Variants in TBX1 observed in about 807,000 individuals in gnomAD.
TBX1 encodes T-box transcription factor 1, also known as T-box transcription factor TBX1.
TBX1 carries 16 observed loss-of-function variants against 40.8 expected under a neutral mutation model. That is an observed-to-expected ratio of 0.39 (90% CI 0.27 to 0.60). The LOEUF (loss-of-function observed/expected upper bound fraction) is 0.60. Ranked by LOEUF, TBX1 falls within the 20% of genes least tolerant of loss-of-function variation. TBX1 has a pLI of 0.51. For missense variants in TBX1, 755 were observed against 728.5 expected (o/e 1.04, Z -0.42); for synonymous variants, 403 against 336.8 (o/e 1.20, Z -2.15).
intron 8 of TBX1, among the ~76,000 whole-genome samples, chr22:19,774,661 A>G (rs1420929637): frequency 6.6e-6 from 1 of 152,216 alleles, no homozygotes; most frequent in Non-Finnish European, 1.5e-5. Flanking sequence ...ATTCTGTTAC[A>G]TGCTACAACA....
At position 19,767,291 on chromosome 22, in the gene TBX1, C is replaced by T. The variant is rs553424250; in HGVS notation, c.*424C>T. 2.0e-6 allele frequency: 2 copies of T among 995,638 alleles called. No homozygotes were observed. Among genetic ancestry groups the T allele is most frequent in the African/African-American group, 1.7e-5 (1 of 57,764 alleles). 61.7% of individuals were successfully genotyped at this position (995,638 alleles called of 1,614,324 possible). ...GTAGATACTGTAGATACTGTAGATA[C>T]CGCCCCGGCGCCGACTTGATAAACG... On this transcript the variant is annotated 3_prime_UTR_variant, in exon 7 of 7. Transcript: ENST00000649276.
At chr22:19,764,106 C>G in intron 2 of TBX1, 49 bp from the exon 3 acceptor site, 1 of 1,606,144 alleles carries the variant, frequency 6.2e-7, no homozygotes, top group Non-Finnish European at 8.5e-7. Context: ...CGGGTCAAGG[C>G]CCTCTGGGTT....
chr22:19,765,141 G>C (rs373404421), intron 4 of TBX1, 28 bp downstream of exon 4: 7 of 1,614,004 alleles, frequency 4.3e-6, no homozygotes, highest in Non-Finnish European at 5.9e-6. Context: ...GGACCTGAGC[G>C]GATTCAACGC....
At chr22:19,757,014 G>T, upstream of TBX1, among the ~76,000 whole-genome samples, 1 of 152,186 alleles carries the variant, frequency 6.6e-6, no homozygotes, top group Non-Finnish European at 1.5e-5. Context: ...GGAGGCGGCG[G>T]CTCCGGCTGG....
At chr22:19,760,768 G>T (rs1280822027), upstream of TBX1, 1 of 333,320 alleles carries the variant, frequency 3.0e-6, no homozygotes, top group Non-Finnish European at 4.2e-6. Context: ...CACGCAGCGC[G>T]GCGCCCGCCA....
intron 8 of TBX1, among the ~76,000 whole-genome samples, chr22:19,776,759 G>A (rs925613450): frequency 7.2e-5 from 11 of 152,218 alleles, no homozygotes; most frequent in Non-Finnish European, 1.3e-4. Context: ...CACACTACCC[G>A]CATGTGCCTC....
downstream of TBX1, among the ~76,000 whole-genome samples, chr22:19,768,953 C>CTTTTTTTTTTTTTTTT (rs36085623): frequency 0.023 from 1,502 of 66,064 alleles, 274 homozygotes; most frequent in Non-Finnish European, 0.032. Flanking sequence ...TGTTCGCATT[C>CTTTTTTTTTTTTTTTT]TTTTTTTTTT....
At chr22:19,777,326 T>G (rs577538061) in intron 8 of TBX1, among the ~76,000 whole-genome samples, 2 of 152,264 alleles carry the variant, frequency 1.3e-5, no homozygotes, top group East Asian at 3.9e-4. Flanking sequence ...TTTTTTGTCC[T>G]TGCGATAGTT....
downstream of TBX1, among the ~76,000 whole-genome samples, chr22:19,770,499 T>C (rs569419833): frequency 7.2e-5 from 11 of 152,330 alleles, no homozygotes; most frequent in East Asian, 1.7e-3. Flanking sequence ...AGGAAAGCAC[T>C]GGAGGTGCAG....
At chr22:19,759,466 GCGGCGCCGGCCAGGCCGC>G, upstream of TBX1, 1 of 1,427,648 alleles carries the variant, frequency 7.0e-7, no homozygotes, top group Admixed American at 2.9e-5. Flanking sequence ...GCAGTCGGAG[GCGGCGCCGGCCAGGCCGC>G]CGGGCGCCTA....
intron 1 of TBX1, among the ~76,000 whole-genome samples, chr22:19,762,034 G>A (rs1408703513): frequency 3.3e-5 from 5 of 152,276 alleles, no homozygotes; most frequent in Non-Finnish European, 7.3e-5. Context: ...GCCAAGGGGA[G>A]CTCAGGGCCT....
chr22:19,760,138 G>A (rs1262617896), upstream of TBX1, among the ~76,000 whole-genome samples: 1 of 150,020 alleles, frequency 6.7e-6, no homozygotes, highest in Non-Finnish European at 1.5e-5. Flanking sequence ...AAGAGCGAAA[G>A]AGAAGAGAGA....
At chr22:19,770,901 C>T (rs1936979439), downstream of TBX1, among the ~76,000 whole-genome samples, 1 of 152,284 alleles carries the variant, frequency 6.6e-6, no homozygotes, top group South Asian at 2.1e-4. Context: ...CAACCAGGAG[C>T]TGGGCACCAG....
rs769434775 is a variant in TBX1, at chr22:19,761,204, G to A, written c.361G>A (p.Val121Met). 4 of 1,563,968 alleles carry A rather than the reference G, an allele frequency of 2.6e-6. No individual in the cohort carries two copies. Among genetic ancestry groups the A allele is most frequent in the African/African-American group, 1.4e-5 (1 of 70,924 alleles). ...KKNAKVAGVS[V>M]QLEMKALWDE... ...GAACGCGAAGGTGGCCGGTGTGAGC[G>A]TGCAGCTAGAGATGAAGGCGCTGTG... Residue 121 changes from valine to methionine, a missense_variant, in exon 1 of 7, where the codon GTG (valine) becomes ATG (methionine). Val to Met is a conservative substitution (Grantham distance 21). Coordinates refer to ENST00000649276, the MANE Select transcript of TBX1 (RefSeq NM_001379200.1).
upstream of TBX1, among the ~76,000 whole-genome samples, chr22:19,758,586 G>C (rs969749955): frequency 2.0e-5 from 3 of 151,986 alleles, no homozygotes; most frequent in Non-Finnish European, 4.4e-5. Context: ...GCTGGGTGCC[G>C]GGGGGCAGCA....
At chr22:19,768,953 C>CTTTTTTTTTTTTTTTTTG (rs1936939954), downstream of TBX1, among the ~76,000 whole-genome samples, 1 of 66,108 alleles carries the variant, frequency 1.5e-5, no homozygotes, top group Non-Finnish European at 3.0e-5. Context: ...TGTTCGCATT[C>CTTTTTTTTTTTTTTTTTG]TTTTTTTTTT....
Position 19,766,006 on chromosome 22 carries a change from G to A in TBX1, c.1036+4G>A. On this transcript the variant is annotated splice_donor_region_variant and intron_variant, in intron 6 of 6. Coordinates refer to ENST00000649276, the MANE Select transcript of TBX1 (RefSeq NM_001379200.1). ...CAGCCCAGCGGCACGGAGAAAGGTA[G>A]GGCCGGGGTCGTGGGATCCGGGTTC... 1.3e-6 allele frequency: 2 copies of A among 1,498,984 alleles called. No individual in the cohort carries two copies. The highest frequency in any genetic ancestry group is 1.8e-6 in the Non-Finnish European group (2 of 1,130,868). 92.9% of individuals were successfully genotyped at this position (1,498,984 alleles called of 1,614,324 possible). A position where few individuals can be genotyped will look rare whatever the true frequency, so the allele number is the denominator to read the frequency against.
chr22:19,776,358 G>A (rs1937065204), intron 8 of TBX1, among the ~76,000 whole-genome samples: 2 of 152,216 alleles, frequency 1.3e-5, no homozygotes, highest in Non-Finnish European at 2.9e-5. Context: ...CTCACTGGGG[G>A]TGGGAGGGTA....
Position 19,765,206 on chromosome 22 carries a change from T to C in TBX1, c.867+93T>C. ...GCCGTTTGGGGACAGTGGGTCCGCT[T>C]AGACCTGCAGGCTGTGGTCCCAGTG... On this transcript the variant is annotated intron_variant, in intron 4 of 6. Transcript: ENST00000649276. 8 of 1,578,176 alleles carry C rather than the reference T, an allele frequency of 5.1e-6. No individual in the cohort carries two copies. In the South Asian group the frequency reaches 6.7e-5, roughly 13 times the overall value.
Sources: gnomAD v4.1 joint callset for allele counts (sites outside exome capture counted in the v4.1 genomes callset) on GRCh38, gnomAD v4.1.1 for gene constraint, MANE v1.5 for transcripts, NCBI Gene and HGNC (gene_info 2026-07-23, HGNC 2026-07-21) for gene names.